RIPOR2: variants seen among roughly 807,000 people sequenced by gnomAD.
RIPOR2 encodes RHO family interacting cell polarization regulator 2.
A neutral mutation model predicts 114.5 loss-of-function variants in RIPOR2; 39 were observed. The ratio of observed to expected loss-of-function variants is 0.34; its 90% CI spans 0.26 to 0.44. The LOEUF (loss-of-function observed/expected upper bound fraction) is 0.44. Among genes scored for constraint, RIPOR2 ranks in the 20% least tolerant of loss-of-function variants. RIPOR2 has a pLI of 1.00. For synonymous variants in RIPOR2, 445 were observed against 484.4 expected, an observed-to-expected ratio of 0.92 and a Z score of 1.07; for missense variants, 1,007 against 1,255.1, an observed-to-expected ratio of 0.80 and a Z score of 2.99.
intron 8 of RIPOR2, among the ~76,000 whole-genome samples, chr6:24,856,691 G>T (rs1240033335): frequency 6.6e-6 from 1 of 152,156 alleles, no homozygotes; most frequent in Non-Finnish European, 1.5e-5. Context: ...GGAGGCGGAG[G>T]TTGCAGTGAA....
At chr6:24,836,399 A>G (rs2113700347) in intron 14 of RIPOR2, among the ~76,000 whole-genome samples, 1 of 152,356 alleles carries the variant, frequency 6.6e-6, no homozygotes, top group Middle Eastern at 3.4e-3. Context: ...GGGTGTTTGA[A>G]TATTCAGAGG....
intron 1 of RIPOR2, among the ~76,000 whole-genome samples, chr6:24,991,434 T>G (rs1774810337): frequency 6.6e-6 from 1 of 152,168 alleles, no homozygotes; most frequent in Admixed American, 6.5e-5. Context: ...GGTGGTATAC[T>G]AGGAGGTACA....
chr6:24,974,459 AACC>A (rs879440947), intron 1 of RIPOR2, among the ~76,000 whole-genome samples: 4 of 152,204 alleles, frequency 2.6e-5, no homozygotes, highest in African/African-American at 9.7e-5. Flanking sequence ...TGGAAATCAA[AACC>A]ACAAGAGAGT....
In RIPOR2 at chr6:24,839,123, T is replaced by C; in HGVS notation, c.2007A>G (p.Ser669=). Residue 669 remains serine (S), a synonymous_variant, in exon 14 of 22, where the codon TCA becomes TCG. Transcript: ENST00000643898. The part of the protein sequence containing the change: ...EVCNVGGGAD[S]VFSDTETEKH... Reference sequence around the variant, plus strand: ...TCTCAGTCTCAGTGTCTGAAAATACTGAGTCAGCACCTCCGCCAACATTAC... The same window carrying C: ...TCTCAGTCTCAGTGTCTGAAAATACCGAGTCAGCACCTCCGCCAACATTAC... 2 of 1,551,622 alleles carry C rather than the reference T, an allele frequency of 1.3e-6. No homozygotes were observed. The highest frequency in any genetic ancestry group is 8.7e-7 in the Non-Finnish European group (1 of 1,146,934).
chr6:24,928,757 G>A (rs547771424), intron 1 of RIPOR2, among the ~76,000 whole-genome samples: 1 of 152,288 alleles, frequency 6.6e-6, no homozygotes, highest in South Asian at 2.1e-4. Flanking sequence ...AATAATTGCT[G>A]TCTAGGACTA....
At chr6:24,952,296 C>T (rs1312590926) in intron 1 of RIPOR2, among the ~76,000 whole-genome samples, 1 of 152,198 alleles carries the variant, frequency 6.6e-6, no homozygotes, top group African/African-American at 2.4e-5. Flanking sequence ...TTATTCTTTC[C>T]TATCATCCAT....
At chr6:24,897,750 G>T (rs575179924) in intron 1 of RIPOR2, among the ~76,000 whole-genome samples, 112 of 152,170 alleles carry the variant, frequency 7.4e-4, no homozygotes, top group Admixed American at 1.5e-3. Context: ...CACAGTTAGT[G>T]TTTTTATTTT....
intron 1 of RIPOR2, among the ~76,000 whole-genome samples, chr6:24,909,563 G>C (rs1394255012): frequency 6.6e-6 from 1 of 152,070 alleles, no homozygotes; most frequent in African/African-American, 2.4e-5. Flanking sequence ...AAACAAAAGG[G>C]AAGAAATGAT....
Position 25,028,153 on chromosome 6 carries a change from T to C in RIPOR2, c.76+13698A>G, listed in dbSNP as rs945305324. On this transcript the variant is annotated intron_variant, in intron 1 of 13. Transcript: ENST00000510784. ...CTGTATTCTCAGATACCTGGACATC[T>C]AGCACAGCGCAGGAAGATGCAGTTT... Among the ~76,000 whole-genome samples, 3 of 152,238 alleles carry C rather than the reference T, an allele frequency of 2.0e-5. No individual in the cohort carries two copies. In the South Asian group the frequency reaches 6.2e-4, roughly 32 times the overall value.
chr6:25,015,908 T>G (rs113100046), intron 1 of RIPOR2: 3 of 138,646 alleles, frequency 2.2e-5, no homozygotes, highest in East Asian at 2.0e-4. Context: ...TTTTTTTTTT[T>G]TTTTTTTTTT....
intron 6 of RIPOR2, among the ~76,000 whole-genome samples, chr6:24,868,644 C>A (rs1344657421): frequency 6.6e-6 from 1 of 152,064 alleles, no homozygotes; most frequent in Non-Finnish European, 1.5e-5. Flanking sequence ...GTGGAAAGAG[C>A]CAAGGGCTTG....
At chr6:24,977,446 G>T (rs1774116612) in intron 1 of RIPOR2, among the ~76,000 whole-genome samples, 1 of 151,820 alleles carries the variant, frequency 6.6e-6, no homozygotes. Context: ...GAGAAATTCA[G>T]AACACAAGCC....
intron 1 of RIPOR2, chr6:25,023,345 T>C (rs1387875388): frequency 2.5e-5 from 20 of 791,134 alleles, no homozygotes; most frequent in Non-Finnish European, 3.2e-5. Flanking sequence ...AATTGGCTCA[T>C]AATCACCCTA....
chr6:24,953,057 G>C (rs1167219317), intron 1 of RIPOR2, among the ~76,000 whole-genome samples: 1 of 152,174 alleles, frequency 6.6e-6, no homozygotes, highest in East Asian at 1.9e-4. Context: ...GTTATGGCTG[G>C]GTGTGGTGGC....
intron 1 of RIPOR2, chr6:24,977,075 C>G: frequency 8.0e-7 from 1 of 1,251,446 alleles, no homozygotes. Flanking sequence ...ATCCCAGTAT[C>G]TTTGTGCTCT....
At chr6:24,911,056 C>T (rs1387616765) in intron 1 of RIPOR2, 2 of 854,870 alleles carry the variant, frequency 2.3e-6, no homozygotes, top group African/African-American at 1.8e-5. Context: ...GGTGAAGTTG[C>T]GGGGCTGGCG....
intron 1 of RIPOR2, among the ~76,000 whole-genome samples, chr6:24,900,724 C>G (rs564361904): frequency 2.6e-5 from 4 of 152,322 alleles, no homozygotes; most frequent in Admixed American, 2.6e-4. Flanking sequence ...GGCCGCCGCA[C>G]TCCAGTCTGG....
intron 12 of RIPOR2, among the ~76,000 whole-genome samples, chr6:24,846,550 C>T (rs1762311381): frequency 6.6e-6 from 1 of 152,056 alleles, no homozygotes; most frequent in African/African-American, 2.4e-5. Context: ...AAGCAATCCA[C>T]CTGCCTTGGC....
chr6:24,924,222 G>A (rs756610580), intron 1 of RIPOR2, among the ~76,000 whole-genome samples: 1 of 152,162 alleles, frequency 6.6e-6, no homozygotes, highest in East Asian at 1.9e-4. Flanking sequence ...GCTCCCTGAG[G>A]CCTGGCACCA....
Sources: allele counts gnomAD v4.1 joint callset (sites outside exome capture counted in the v4.1 genomes callset), GRCh38; gene constraint gnomAD v4.1.1; transcripts MANE v1.5; gene names NCBI Gene and HGNC (gene_info 2026-07-23, HGNC 2026-07-21).